CFAP47: variants seen among roughly 807,000 people sequenced by gnomAD.
CFAP47 encodes the protein cilia and flagella associated protein 47, also known as cilia- and flagella-associated protein 47.
In CFAP47, 29 loss-of-function variants were observed where a neutral mutation model predicts 148.1. That is an observed-to-expected ratio of 0.20 (90% CI 0.15 to 0.27). The LOEUF (loss-of-function observed/expected upper bound fraction) is 0.27. CFAP47 is among the 10% of genes least tolerant of loss of function. The probability of loss-of-function intolerance (pLI) is 1.00; values close to 1 mark genes in which losing one functional copy is unlikely to be tolerated. For synonymous variants in CFAP47, 664 were observed against 577.3 expected, an observed-to-expected ratio of 1.15 and a Z score of -2.15; for missense variants, 1,872 against 1,697.5, an observed-to-expected ratio of 1.10 and a Z score of -1.81.
intron 29 of CFAP47, among the ~76,000 whole-genome samples, chrX:36,082,235 C>T (rs1222384582): frequency 9.0e-6 from 1 of 110,842 alleles, no homozygotes; most frequent in Non-Finnish European, 1.9e-5. Context: ...ATATAACAGG[C>T]CTGAGATAAT....
chrX:36,338,219 T>C (rs1313923840), intron 57 of CFAP47, among the ~76,000 whole-genome samples: 1 of 108,704 alleles, frequency 9.2e-6, no homozygotes, highest in Non-Finnish European at 1.9e-5. Flanking sequence ...ATTATTCTTA[T>C]CAGCATACCC....
intron 26 of CFAP47, among the ~76,000 whole-genome samples, chrX:36,048,863 G>A (rs1937497162): frequency 8.9e-6 from 1 of 111,877 alleles, no homozygotes; most frequent in African/African-American, 3.3e-5. Flanking sequence ...CATGAGGTAT[G>A]GAGGCTAAAG....
chrX:36,377,856 G>A (rs1483070554), intron 62 of CFAP47, among the ~76,000 whole-genome samples: 5 of 112,024 alleles, frequency 4.5e-5, no homozygotes, highest in Admixed American at 9.5e-5. Flanking sequence ...TAATCTAATC[G>A]CTTTGCAGTG....
At chrX:36,364,921 TATA>T (rs1941860618) in intron 61 of CFAP47, among the ~76,000 whole-genome samples, 1 of 72,695 alleles carries the variant, frequency 1.4e-5, no homozygotes, top group Non-Finnish European at 2.2e-5. Context: ...TATATATATA[TATA>T]TATATATATA....
intron 57 of CFAP47, among the ~76,000 whole-genome samples, chrX:36,333,229 T>TA (rs370427152): frequency 2.7e-5 from 3 of 110,396 alleles, no homozygotes; most frequent in African/African-American, 9.9e-5. Context: ...CCTTTTTTTT[T>TA]ACCATAATTC....
rs1191533251 is a variant in CFAP47 at position 35,971,657 on chromosome X, T to C, written c.2042T>C (p.Leu681Pro). 3 of 1,205,722 alleles carry C rather than the reference T, an allele frequency of 2.5e-6. No individual in the cohort carries two copies. The South Asian group carries it at 5.3e-5, about 21-fold the overall frequency. Reference sequence around the variant, plus strand: ...GGATCAGGTCTAAAGTCACCCTCACTCTCAGAAGCGGAAATAGAAGAGGAG... The same window carrying C: ...GGATCAGGTCTAAAGTCACCCTCACCCTCAGAAGCGGAAATAGAAGAGGAG... Reference protein sequence around the residue: ...EPGSGLKSPSLSEAEIEEELS... With the variant: ...EPGSGLKSPSPSEAEIEEELS... Residue 681 changes from leucine to proline, a missense_variant, in exon 12 of 64, where the codon CTC becomes CCC. Transcript: ENST00000378653.
intron 33 of CFAP47, among the ~76,000 whole-genome samples, chrX:36,133,502 G>A (rs1017001418): frequency 9.1e-6 from 1 of 110,492 alleles, no homozygotes; most frequent in Non-Finnish European, 1.9e-5. Context: ...AAAAGTAAGA[G>A]CATGCAAGAA....
intron 22 of CFAP47, among the ~76,000 whole-genome samples, chrX:36,020,743 A>G (rs1937148258): frequency 8.9e-6 from 1 of 111,863 alleles, no homozygotes; most frequent in South Asian, 3.7e-4. Context: ...TAATAGATGA[A>G]TTGTGTTGCT....
At chrX:36,237,399 G>C (rs1468006706) in intron 48 of CFAP47, among the ~76,000 whole-genome samples, 1 of 108,831 alleles carries the variant, frequency 9.2e-6, no homozygotes, top group South Asian at 3.9e-4. Flanking sequence ...GTATGATCTC[G>C]GCTCACTGCA....
At chrX:35,959,546 C>T (rs771503994) in intron 8 of CFAP47, among the ~76,000 whole-genome samples, 2 of 111,771 alleles carry the variant, frequency 1.8e-5, no homozygotes, top group African/African-American at 3.3e-5. Context: ...CGGTGGCTCA[C>T]GCCTGTAATC....
chrX:35,963,965 G>T (rs1936368239), intron 8 of CFAP47, among the ~76,000 whole-genome samples: 1 of 111,242 alleles, frequency 9.0e-6, no homozygotes, highest in African/African-American at 3.2e-5. Context: ...TGTATGCATT[G>T]CTTTTTAAAT....
intron 21 of CFAP47, among the ~76,000 whole-genome samples, chrX:36,005,184 C>A (rs1936967249): frequency 9.0e-6 from 1 of 110,538 alleles, no homozygotes; most frequent in African/African-American, 3.3e-5. Flanking sequence ...ATTTTTGATT[C>A]TTTATTTCAT....
intron 39 of CFAP47, among the ~76,000 whole-genome samples, chrX:36,169,015 A>T (rs1321529169): frequency 9.0e-6 from 1 of 110,781 alleles, no homozygotes; most frequent in Non-Finnish European, 1.9e-5. Context: ...TTTTTTAAAA[A>T]TTTTTTTGAA....
At position 36,299,164 on chromosome X, in the gene CFAP47, G is replaced by A; in HGVS notation, c.7862+12G>A. 2 of 970,851 alleles carry A rather than the reference G, an allele frequency of 2.1e-6. No individual in the cohort carries two copies. The highest frequency in any genetic ancestry group is 2.0e-5 in the African/African-American group (1 of 51,039). 80.0% of individuals were successfully genotyped at this position (970,851 alleles called of 1,213,427 possible). ...TACAGCGATGAAAGGTATGGTTTGAGTGTGGCATTATATTTCATTGTTGAT... is the reference window on the plus strand; with the variant it reads ...TACAGCGATGAAAGGTATGGTTTGAATGTGGCATTATATTTCATTGTTGAT... On this transcript the variant is annotated intron_variant, in intron 52 of 63. Coordinates refer to ENST00000378653, the MANE Select transcript of CFAP47 (RefSeq NM_001304548.2).
chrX:35,970,784 G>A lies in CFAP47; in HGVS notation c.1831G>A (p.Val611Ile). The change falls in exon 11 of 64, where the codon GTT becomes ATT. Residue 611 changes from valine (V) to isoleucine (I), a missense_variant. Physicochemically the swap from Val to Ile is conservative, Grantham distance 29. Transcript: ENST00000378653. ...ATATTGCAGGCCAATTTTCACAAAA[G>A]TTCCAAGATTTAACTATGTGAATCA... ...HKHFRPIFTK[V>I]PRFNYVNHDF... is the part of the protein sequence containing the mutation. The A allele has an allele frequency of 8.5e-7, 1 of 1,170,348 alleles. No homozygotes were observed. The highest frequency in any genetic ancestry group is 1.1e-6 in the Non-Finnish European group (1 of 877,543).
intron 51 of CFAP47, among the ~76,000 whole-genome samples, chrX:36,295,041 G>A (rs888898596): frequency 7.2e-5 from 8 of 111,844 alleles, no homozygotes; most frequent in Non-Finnish European, 1.3e-4. Context: ...AGAAATGGAA[G>A]CAATTTCTTT....
intron 39 of CFAP47, among the ~76,000 whole-genome samples, chrX:36,166,574 A>G (rs1298440278): frequency 1.8e-5 from 2 of 111,014 alleles, no homozygotes; most frequent in Non-Finnish European, 3.8e-5. Flanking sequence ...GGCTATTTTA[A>G]ATTTGATTTC....
chrX:36,239,300 G>A (rs1183247260), intron 48 of CFAP47, among the ~76,000 whole-genome samples: 11 of 112,305 alleles, frequency 9.8e-5, no homozygotes, highest in Non-Finnish European at 1.9e-4. Flanking sequence ...CAGTGATCTT[G>A]AAATTAAAGA....
intron 59 of CFAP47, among the ~76,000 whole-genome samples, chrX:36,352,452 A>G (rs1556017656): frequency 9.0e-6 from 1 of 111,371 alleles, no homozygotes; most frequent in Non-Finnish European, 1.9e-5. Context: ...CTACAAATAT[A>G]TGTATTGTGA....
Sources: allele counts gnomAD v4.1 joint callset (sites outside exome capture counted in the v4.1 genomes callset), GRCh38; gene constraint gnomAD v4.1.1; transcripts MANE v1.5; gene names NCBI Gene and HGNC (gene_info 2026-07-23, HGNC 2026-07-21).